Variants in PCBP3 observed in about 807,000 individuals in gnomAD.
The protein encoded by PCBP3 is poly(rC) binding protein 3, also known as poly(rC)-binding protein 3.
A neutral mutation model predicts 52.7 loss-of-function variants in PCBP3; 25 were observed. The ratio of observed to expected loss-of-function variants is 0.47; its 90% CI spans 0.35 to 0.66. The LOEUF (loss-of-function observed/expected upper bound fraction) is 0.66, where lower values mean the gene tolerates loss of function less well. PCBP3 is among the 30% of genes least tolerant of loss of function. The probability of loss-of-function intolerance (pLI) is 0.01; values close to 1 mark genes in which losing one functional copy is unlikely to be tolerated. For missense variants in PCBP3, 391 were observed against 490.3 expected (o/e 0.80, Z 1.91); for synonymous variants, 162 against 183.0 (o/e 0.89, Z 0.93).
chr21:45,750,395 A>AAC (rs2087334344), intron 3 of PCBP3: 1 of 87,684 alleles, frequency 1.1e-5, no homozygotes, highest in Non-Finnish European at 2.4e-5. Flanking sequence ...CTGGGAGCAG[A>AAC]CCCCCCCCCC....
chr21:45,851,043 A>G (rs1010947637), intron 5 of PCBP3, among the ~76,000 whole-genome samples: 2 of 152,236 alleles, frequency 1.3e-5, no homozygotes, highest in African/African-American at 4.8e-5. Context: ...ATTTGTAGCT[A>G]TAAACACGTG....
At chr21:45,879,351 A>G (rs2095345181) in intron 5 of PCBP3, among the ~76,000 whole-genome samples, 1 of 152,224 alleles carries the variant, frequency 6.6e-6, no homozygotes, top group African/African-American at 2.4e-5. Context: ...CAGAATGAAA[A>G]ATTCATGATG....
At chr21:45,842,521 G>A (rs2093719735) in intron 4 of PCBP3, among the ~76,000 whole-genome samples, 1 of 152,160 alleles carries the variant, frequency 6.6e-6, no homozygotes, top group South Asian at 2.1e-4. Flanking sequence ...GGGAATTCTA[G>A]CATCTCTGTT....
At chr21:45,726,225 A>G (rs1054276168) in intron 2 of PCBP3, among the ~76,000 whole-genome samples, 4 of 152,110 alleles carry the variant, frequency 2.6e-5, no homozygotes, top group African/African-American at 7.2e-5. Context: ...CTTGGACTTC[A>G]GGTAACAGAT....
rs1166942516 is a variant in PCBP3 at position 45,656,314 on chromosome 21, T to TA, written c.-279+12452dup. 5.3e-5 allele frequency among the ~76,000 whole-genome samples: 8 copies of TA among 152,158 alleles called. No homozygotes were observed. Among genetic ancestry groups the TA allele is most frequent in the Non-Finnish European group, 1.0e-4 (7 of 68,034 alleles). ...TACACCATGGAATACTATGCAGCCA[T>TA]AAAAAAGGATGAGTTCATATCCTTT... is the stretch of plus-strand genomic sequence containing the variant. On this transcript the variant is annotated intron_variant, in intron 1 of 17. Transcript: ENST00000681687. The surrounding 1 kb of genome is among the most constrained non-coding windows in gnomAD (Gnocchi z 4.3).
At chr21:45,763,129 G>A (rs1004453764) in intron 4 of PCBP3, 2 of 152,254 alleles carry the variant, frequency 1.3e-5, no homozygotes, top group Non-Finnish European at 2.9e-5. Context: ...GCGACTCTCC[G>A]GAGGTGCCCC....
At chr21:45,815,677 AG>A in intron 4 of PCBP3, among the ~76,000 whole-genome samples, 1 of 80,906 alleles carries the variant, frequency 1.2e-5, no homozygotes, top group Non-Finnish European at 2.3e-5. Context: ...GTGATGAGTG[AG>A]TGGTGAGTGA....
At position 45,827,012 on chromosome 21, in the gene PCBP3, C is replaced by G. The variant is rs139019637; in HGVS notation, c.-125-22949C>G. Among the ~76,000 whole-genome samples, 1 of 152,100 alleles carries G rather than the reference C, an allele frequency of 6.6e-6. No homozygotes were observed. The highest frequency in any genetic ancestry group is 1.5e-5 in the Non-Finnish European group (1 of 68,026). On this transcript the variant is annotated intron_variant, in intron 4 of 17. Coordinates refer to ENST00000681687, the MANE Select transcript of PCBP3 (RefSeq NM_001384156.1). The surrounding 1 kb of genome is among the most constrained non-coding windows in gnomAD (Gnocchi z 4.3). ...GGCATCAAGGAGGCTGACAGGGACA[C>G]GTACTCCCAGCTGAGCCAGGGAGCA...
Position 45,726,140 on chromosome 21 carries a change from C to T in PCBP3, c.-199-9252C>T, listed in dbSNP as rs148867792. On this transcript the variant is annotated intron_variant, in intron 2 of 17. Coordinates refer to ENST00000681687, the MANE Select transcript of PCBP3 (RefSeq NM_001384156.1). ...TGGAAGGAGGACTCAGACCTGACTC[C>T]GAGGGGCCTGAGCAACTCAGGCAGG... 3.7e-3 allele frequency among the ~76,000 whole-genome samples: 565 copies of T among 152,078 alleles called. 2 individuals are homozygous for T. The highest frequency in any genetic ancestry group is 0.013 in the African/African-American group (546 of 41,466).
At chr21:45,700,704 T>C (rs2083069388) in intron 2 of PCBP3, among the ~76,000 whole-genome samples, 1 of 152,108 alleles carries the variant, frequency 6.6e-6, no homozygotes, top group African/African-American at 2.4e-5. Context: ...AGATGTGAAT[T>C]CCTGTCTAGG....
chr21:45,660,712 C>T (rs968184102), intron 1 of PCBP3, among the ~76,000 whole-genome samples: 1 of 152,104 alleles, frequency 6.6e-6, no homozygotes, highest in Non-Finnish European at 1.5e-5. Flanking sequence ...TATCTCCATT[C>T]CCTCCTTCTT....
chr21:45,925,324 G>C (rs143314252), intron 13 of PCBP3, among the ~76,000 whole-genome samples: 1 of 152,214 alleles, frequency 6.6e-6, no homozygotes, highest in Non-Finnish European at 1.5e-5. Context: ...AAAGAAGTCC[G>C]ATATGTAACC....
intron 2 of PCBP3, among the ~76,000 whole-genome samples, chr21:45,723,592 A>G (rs896227295): frequency 8.5e-5 from 13 of 152,254 alleles, no homozygotes; most frequent in African/African-American, 1.4e-4. Context: ...ATATGTATCT[A>G]TATTGACACA....
intron 4 of PCBP3, among the ~76,000 whole-genome samples, chr21:45,838,732 G>A (rs1212624955): frequency 6.6e-6 from 1 of 151,994 alleles, no homozygotes; most frequent in Admixed American, 6.6e-5. Flanking sequence ...TAAATTTAGA[G>A]CAATATATTT....
At chr21:45,801,941 G>A (rs1315776032) in intron 4 of PCBP3, among the ~76,000 whole-genome samples, 1 of 152,134 alleles carries the variant, frequency 6.6e-6, no homozygotes, top group Non-Finnish European at 1.5e-5. Context: ...ATCTCATGGT[G>A]CACATCCCTC....
At chr21:45,752,866 C>T (rs1198272719) in intron 3 of PCBP3, 7 of 150,280 alleles carry the variant, frequency 4.7e-5, no homozygotes, top group African/African-American at 1.7e-4. Flanking sequence ...TTATCTGTGG[C>T]ATCCTCCTGT....
In PCBP3 at chr21:45,837,127, C is replaced by T. The variant is rs1188577848; in HGVS notation, c.-125-12834C>T. Among the ~76,000 whole-genome samples, 3 of 152,202 alleles carry T rather than the reference C, an allele frequency of 2.0e-5. No individual in the cohort carries two copies. Among genetic ancestry groups the T allele is most frequent in the Non-Finnish European group, 2.9e-5 (2 of 68,046 alleles). On this transcript the variant is annotated intron_variant, in intron 4 of 17. Transcript: ENST00000681687. This position sits in a 1 kb window ranked among gnomAD's most constrained non-coding sequence, Gnocchi z 4.1. ...GACCATGTCAGTTTTTGTTTCAAAG[C>T]GCGGGTACCAATTCCCATCCCCCAG...
At chr21:45,838,030 A>G (rs758365306) in intron 4 of PCBP3, among the ~76,000 whole-genome samples, 5 of 152,228 alleles carry the variant, frequency 3.3e-5, no homozygotes, top group Non-Finnish European at 5.9e-5. Flanking sequence ...TACCTAAACT[A>G]TGGTTCATGC....
rs763810722 is a variant in PCBP3, at chr21:45,901,002, T to C, written c.228T>C (p.Gly76=). The change falls in exon 9 of 18, where the codon GGT becomes GGC. Residue 76 remains glycine (G), a synonymous_variant. Transcript: ENST00000681687. ...TTTCTCTGCTCTCACCTTAGAGTGGTGCAAGGATCAACATCTCAGAGGGAA... is the reference window on the plus strand; with the variant it reads ...TTTCTCTGCTCTCACCTTAGAGTGGCGCAAGGATCAACATCTCAGAGGGAA... ...ETVKKMREES[G]ARINISEGNC... 41 of 1,612,212 alleles carry C rather than the reference T, an allele frequency of 2.5e-5. No homozygotes were observed. The highest frequency in any genetic ancestry group is 3.5e-5 in the Non-Finnish European group (41 of 1,178,418).
Sources: allele counts gnomAD v4.1 joint callset (sites outside exome capture counted in the v4.1 genomes callset), GRCh38; gene constraint gnomAD v4.1.1; non-coding constraint Gnocchi (gnomAD v3.1); transcripts MANE v1.5; gene names NCBI Gene and HGNC (gene_info 2026-07-23, HGNC 2026-07-21).